The following DISC1 variants were observed in gnomAD, a reference collection of about 807,000 sequenced individuals.
The protein encoded by DISC1 is DISC1 scaffold protein.
DISC1 carries 57 observed loss-of-function variants against 84.5 expected under a neutral mutation model. The ratio of observed to expected loss-of-function variants is 0.67; its 90% confidence interval spans 0.55 to 0.84. DISC1 has a LOEUF of 0.84. Ranked by LOEUF, DISC1 falls within the 40% of genes least tolerant of loss-of-function variation. The probability of loss-of-function intolerance (pLI) is 0.00; values close to 1 mark genes in which losing one functional copy is unlikely to be tolerated. For synonymous variants in DISC1, 411 were observed against 415.2 expected (o/e 0.99, Z 0.12); for missense variants, 1,000 against 1,057.8 (o/e 0.95, Z 0.76).
rs1459852560 is a variant in DISC1 at position 232,009,451 on chromosome 1, A to G, written c.2307+402A>G. 1.5e-5 allele frequency: 8 copies of G among 541,628 alleles called. No individual in the cohort carries two copies. Among genetic ancestry groups the G allele is most frequent in the African/African-American group, 4.6e-5 (1 of 21,842 alleles). 33.6% of individuals were successfully genotyped at this position (541,628 alleles called of 1,614,324 possible). On this transcript the variant is annotated intron_variant, in intron 11 of 12. Coordinates refer to ENST00000439617, the MANE Select transcript of DISC1 (RefSeq NM_018662.3). This position sits in a 1 kb window ranked among gnomAD's most constrained non-coding sequence, Gnocchi z 4.6. Reference sequence around the variant, plus strand: ...ATACATTATGTATTGTATGTCATATATGATGTTTATATATTTAGAATCTAT... The same window carrying G: ...ATACATTATGTATTGTATGTCATATGTGATGTTTATATATTTAGAATCTAT...
At chr1:231,889,579 C>G (rs1377711157) in intron 9 of DISC1, among the ~76,000 whole-genome samples, 1 of 152,152 alleles carries the variant, frequency 6.6e-6, no homozygotes, top group Non-Finnish European at 1.5e-5. Flanking sequence ...TAGGAGCACC[C>G]TTCCCAGTTT....
rs1304909574 is a variant in DISC1 at position 232,038,013 on chromosome 1, G to A, written c.*1182G>A. On this transcript the variant is annotated 3_prime_UTR_variant, in exon 13 of 13. Transcript: ENST00000439617. ...ACTCAGTAACACAGTGCAGTACTCA[G>A]TAATACAGTACAGTACTCAGTAAGG... is the stretch of plus-strand genomic sequence containing the variant. The A allele has an allele frequency of 2.0e-5, 3 of 152,204 alleles. No homozygotes were observed. The highest frequency in any genetic ancestry group is 7.2e-5 in the African/African-American group (3 of 41,384). 9.4% of individuals were successfully genotyped at this position (152,204 alleles called of 1,614,324 possible). A position where few individuals can be genotyped will look rare whatever the true frequency, so the allele number is the denominator to read the frequency against.
chr1:231,763,784 G>A lies in DISC1; in HGVS notation c.1269-3356G>A, dbSNP rs541110986. Reference sequence around the variant, plus strand: ...ATTGCTTTGTAATTTTTCTGTTGATGCATTTGTCTCTCCTGCTCCATGGAA... The same window carrying A: ...ATTGCTTTGTAATTTTTCTGTTGATACATTTGTCTCTCCTGCTCCATGGAA... On this transcript the variant is annotated intron_variant, in intron 4 of 12. Transcript: ENST00000439617. Among the ~76,000 whole-genome samples the A allele has an allele frequency of 3.9e-5, 6 of 152,282 alleles. No homozygotes were observed. The East Asian group carries it at 9.6e-4, about 24-fold the overall frequency.
At position 231,861,088 on chromosome 1, in the gene DISC1, G is replaced by A. The variant is rs151231022; in HGVS notation, c.1981+42571G>A. Among the ~76,000 whole-genome samples, 137 of 152,164 alleles carry A rather than the reference G, an allele frequency of 9.0e-4. 1 individual carries two copies. Among genetic ancestry groups the A allele is most frequent in the African/African-American group, 2.9e-3 (120 of 41,506 alleles). On this transcript the variant is annotated intron_variant, in intron 9 of 12. Coordinates refer to ENST00000439617, the MANE Select transcript of DISC1 (RefSeq NM_018662.3). Reference sequence around the variant, plus strand: ...GTTTTGTTCTGTTCCTGTGAATGTCGGCACAGGAAAGTCCTTGAAGAACAT... The same window carrying A: ...GTTTTGTTCTGTTCCTGTGAATGTCAGCACAGGAAAGTCCTTGAAGAACAT...
At chr1:231,916,928 C>T (rs1390807626) in intron 9 of DISC1, among the ~76,000 whole-genome samples, 1 of 152,136 alleles carries the variant, frequency 6.6e-6, no homozygotes, top group Non-Finnish European at 1.5e-5. Context: ...TTGAGCTCCT[C>T]CTCTCCAGTT....
intron 9 of DISC1, among the ~76,000 whole-genome samples, chr1:231,864,729 C>T (rs567086693): frequency 2.1e-4 from 32 of 152,186 alleles, no homozygotes; most frequent in African/African-American, 4.6e-4. Flanking sequence ...TGGTACTGAA[C>T]GACGTGATGA....
chr1:231,832,336 G>A (rs889202855), intron 9 of DISC1, among the ~76,000 whole-genome samples: 1 of 151,448 alleles, frequency 6.6e-6, no homozygotes, highest in African/African-American at 2.4e-5. Context: ...AGGTCAAGTT[G>A]TTTGGACAGA....
chr1:231,790,084 T>C (rs200592605), intron 6 of DISC1, among the ~76,000 whole-genome samples: 8 of 152,176 alleles, frequency 5.3e-5, no homozygotes, highest in Non-Finnish European at 1.0e-4. Flanking sequence ...ACACGTTTAT[T>C]GTAGCAGCCC....
At chr1:231,956,034 C>T (rs1659437918) in intron 9 of DISC1, among the ~76,000 whole-genome samples, 1 of 152,160 alleles carries the variant, frequency 6.6e-6, no homozygotes, top group South Asian at 2.1e-4. Context: ...TTAAAGGACT[C>T]TCTTGCTTAC....
At chr1:231,745,049 T>G (rs1265825339) in intron 3 of DISC1, among the ~76,000 whole-genome samples, 1 of 141,322 alleles carries the variant, frequency 7.1e-6, no homozygotes, top group Admixed American at 7.2e-5. Flanking sequence ...AATTAAAATT[T>G]TTTTAAATAA....
chr1:231,833,254 G>T (rs1231439609), intron 9 of DISC1, among the ~76,000 whole-genome samples: 1 of 151,212 alleles, frequency 6.6e-6, no homozygotes, highest in Non-Finnish European at 1.5e-5. Flanking sequence ...TGGCACCAGA[G>T]TTGGGGAGTT....
At chr1:231,716,625 T>C (rs72758629) in intron 3 of DISC1, among the ~76,000 whole-genome samples, 11,057 of 152,142 alleles carry the variant, frequency 0.073, 526 homozygotes, top group Non-Finnish European at 0.11. Flanking sequence ...AAATGGGACA[T>C]ACATGGAATA....
At chr1:231,997,918 C>A (rs112376735) in intron 10 of DISC1, among the ~76,000 whole-genome samples, 12 of 149,814 alleles carry the variant, frequency 8.0e-5, no homozygotes, top group African/African-American at 2.5e-4. Context: ...TGGAGGACAA[C>A]TGTTAAAAAA....
At chr1:231,933,934 A>G (rs948336085) in intron 9 of DISC1, among the ~76,000 whole-genome samples, 1 of 152,154 alleles carries the variant, frequency 6.6e-6, no homozygotes, top group Non-Finnish European at 1.5e-5. Flanking sequence ...ATGACTGGCT[A>G]TTTCTGCTGC....
intron 9 of DISC1, among the ~76,000 whole-genome samples, chr1:231,919,259 A>T (rs201144987): frequency 1.3e-5 from 2 of 152,216 alleles, no homozygotes; most frequent in African/African-American, 2.4e-5. Flanking sequence ...TTTGACAATA[A>T]GCTGCTACTC....
chr1:231,947,378 T>C (rs550085576), intron 9 of DISC1, among the ~76,000 whole-genome samples: 1 of 152,304 alleles, frequency 6.6e-6, no homozygotes, highest in South Asian at 2.1e-4. Context: ...ATTTAACAAA[T>C]GGTGTTGGGA....
chr1:232,020,539 T>C lies in DISC1; in HGVS notation c.2308-5896T>C, dbSNP rs117462714. Reference sequence around the variant, plus strand: ...CCTGAAGGAGGCAGATCTTTGTAAATGCATTTGCTGTCCTGGGAAACAAGA... The same window carrying C: ...CCTGAAGGAGGCAGATCTTTGTAAACGCATTTGCTGTCCTGGGAAACAAGA... On this transcript the variant is annotated intron_variant, in intron 11 of 12. Coordinates refer to ENST00000439617, the MANE Select transcript of DISC1 (RefSeq NM_018662.3). Among the ~76,000 whole-genome samples the C allele has an allele frequency of 1.6e-3, 247 of 152,222 alleles. 7 individuals are homozygous for C. In the East Asian group the frequency reaches 0.043, roughly 27 times the overall value.
At chr1:231,810,143 G>T (rs1288693897) in intron 8 of DISC1, among the ~76,000 whole-genome samples, 1 of 152,176 alleles carries the variant, frequency 6.6e-6, no homozygotes, top group Non-Finnish European at 1.5e-5. Context: ...AGATCACAGA[G>T]GCATGGGCAC....
rs758078052 is a variant in DISC1 at position 231,800,137 on chromosome 1, C to T, written c.1719C>T (p.Thr573=). The T allele has an allele frequency of 1.2e-6, 2 of 1,611,282 alleles. No homozygotes were observed. Among genetic ancestry groups the T allele is most frequent in the Non-Finnish European group, 1.7e-6 (2 of 1,179,578 alleles). Reference sequence around the variant, plus strand: ...GTATGAGTGAGAAATTCTGCAGCACCCTGAGGAAGAAAGTTAACGATATTG... The same window carrying T: ...GTATGAGTGAGAAATTCTGCAGCACTCTGAGGAAGAAAGTTAACGATATTG... ...KVCMSEKFCS[T]LRKKVNDIET... Residue 573 remains threonine, a synonymous_variant, in exon 8 of 13, where the codon ACC becomes ACT. Coordinates refer to ENST00000439617, the MANE Select transcript of DISC1 (RefSeq NM_018662.3).
Sources: allele counts gnomAD v4.1 joint callset (sites outside exome capture counted in the v4.1 genomes callset), GRCh38; gene constraint gnomAD v4.1.1; non-coding constraint Gnocchi (gnomAD v3.1); transcripts MANE v1.5; gene names NCBI Gene and HGNC (gene_info 2026-07-23, HGNC 2026-07-21).